Variants in CREB5 observed in about 807,000 individuals in gnomAD.
CREB5 encodes the protein cAMP responsive element binding protein 5, also known as cyclic AMP-responsive element-binding protein 5.
In CREB5, 19 loss-of-function variants were observed where a neutral mutation model predicts 57.1. That is an observed-to-expected ratio of 0.33 (90% CI 0.23 to 0.49). The LOEUF (loss-of-function observed/expected upper bound fraction) is 0.49, where lower values mean the gene tolerates loss of function less well. CREB5 is among the 20% of genes least tolerant of loss of function. CREB5 has a pLI of 0.99. For synonymous variants in CREB5, 238 were observed against 238.3 expected (o/e 1.00, Z 0.01); for missense variants, 579 against 671.6 (o/e 0.86, Z 1.52).
intron 2 of CREB5, among the ~76,000 whole-genome samples, chr7:28,492,343 T>C (rs1791842469): frequency 6.6e-6 from 1 of 152,230 alleles, no homozygotes; most frequent in South Asian, 2.1e-4. Flanking sequence ...TATCTTTGTC[T>C]CAGAAGGAAG....
At position 28,820,049 on chromosome 7, in the gene CREB5, T is replaced by C. The variant is rs1328158620; in HGVS notation, c.*770T>C. 1.3e-5 allele frequency: 2 copies of C among 151,922 alleles called. No individual in the cohort carries two copies. Among genetic ancestry groups the C allele is most frequent in the Admixed American group, 6.6e-5 (1 of 15,256 alleles). 9.4% of individuals were successfully genotyped at this position (151,922 alleles called of 1,614,324 possible). A position where few individuals can be genotyped will look rare whatever the true frequency, so the allele number is the denominator to read the frequency against. On this transcript the variant is annotated 3_prime_UTR_variant, in exon 11 of 11. Transcript: ENST00000357727. ...AACGTGGACCTAACCATTGCTTCAC[T>C]TACACTTCACCCACAGCTGGAGTTC...
chr7:28,436,901 A>G (rs1788986663), intron 1 of CREB5, among the ~76,000 whole-genome samples: 1 of 152,128 alleles, frequency 6.6e-6, no homozygotes, highest in Non-Finnish European at 1.5e-5. Context: ...CTACAGATGG[A>G]ATTGTGTACT....
chr7:28,671,627 G>A (rs1471496406), intron 5 of CREB5, among the ~76,000 whole-genome samples: 1 of 152,192 alleles, frequency 6.6e-6, no homozygotes, highest in Non-Finnish European at 1.5e-5. Context: ...CAAGAAAGAC[G>A]AATTGAGCCT....
intron 6 of CREB5, among the ~76,000 whole-genome samples, chr7:28,719,930 T>C (rs936985130): frequency 4.6e-5 from 7 of 152,058 alleles, no homozygotes; most frequent in Non-Finnish European, 2.9e-5. Context: ...CGTGGTGGCA[T>C]GAACCTGTAG....
intron 1 of CREB5, among the ~76,000 whole-genome samples, chr7:28,446,655 G>T (rs1436277983): frequency 1.3e-5 from 2 of 152,170 alleles, no homozygotes; most frequent in African/African-American, 4.8e-5. Context: ...AGCTGGGCGT[G>T]GTGGTGGGTG....
intron 2 of CREB5, among the ~76,000 whole-genome samples, chr7:28,492,880 A>G (rs1467893690): frequency 6.6e-6 from 1 of 152,056 alleles, no homozygotes; most frequent in East Asian, 1.9e-4. Flanking sequence ...TGGTAGTGCT[A>G]TGTATTTGGT....
chr7:28,814,115 T>C (rs962110374), intron 9 of CREB5, among the ~76,000 whole-genome samples: 1 of 152,254 alleles, frequency 6.6e-6, no homozygotes, highest in Non-Finnish European at 1.5e-5. Flanking sequence ...ATTTGATTTC[T>C]TGTATGCATT....
intron 4 of CREB5, among the ~76,000 whole-genome samples, chr7:28,549,397 A>G (rs530993586): frequency 4.6e-5 from 7 of 152,344 alleles, no homozygotes; most frequent in African/African-American, 1.7e-4. Context: ...CACATTAAAC[A>G]TGAATGATTA....
At chr7:28,733,443 G>A (rs771414220) in intron 7 of CREB5, among the ~76,000 whole-genome samples, 13 of 152,096 alleles carry the variant, frequency 8.5e-5, no homozygotes, top group South Asian at 2.1e-4. Flanking sequence ...TCAGGAGCCC[G>A]GCATTTTCCT....
Position 28,811,615 on chromosome 7 carries a change from CCCACCTCGGCCTACAAAA to C in CREB5, c.1254+2202_1254+2219del, listed in dbSNP as rs571169605. Among the ~76,000 whole-genome samples, 9 of 152,222 alleles carry C rather than the reference CCCACCTCGGCCTACAAAA, an allele frequency of 5.9e-5. No individual in the cohort carries two copies. The East Asian group carries it at 1.4e-3, about 23-fold the overall frequency. On this transcript the variant is annotated intron_variant, in intron 9 of 10. Transcript: ENST00000357727. ...CAAACTCCCAGGCTCAAGCAACCCT[CCCACCTCGGCCTACAAAA>C]GTGTTGGGATTATAGGTGTGAGCCA...
At chr7:28,418,031 A>G (rs932442572) in intron 1 of CREB5, among the ~76,000 whole-genome samples, 4 of 152,192 alleles carry the variant, frequency 2.6e-5, no homozygotes, top group Non-Finnish European at 5.9e-5. Context: ...TTTCAGTTAC[A>G]GTATTTTGCC....
At chr7:28,385,666 G>T (rs772257441) in intron 1 of CREB5, among the ~76,000 whole-genome samples, 56 of 144,700 alleles carry the variant, frequency 3.9e-4, no homozygotes, top group Non-Finnish European at 8.2e-4. Flanking sequence ...GACAGAAAGA[G>T]ACCCTGTCTC....
chr7:28,373,170 A>T (rs1236813995), intron 1 of CREB5, among the ~76,000 whole-genome samples: 1 of 152,220 alleles, frequency 6.6e-6, no homozygotes, highest in Non-Finnish European at 1.5e-5. Context: ...GAGTAAATTC[A>T]GACTTGTGAT....
chr7:28,531,858 GTC>G (rs1163681426), intron 4 of CREB5, among the ~76,000 whole-genome samples: 1 of 151,982 alleles, frequency 6.6e-6, no homozygotes, highest in Non-Finnish European at 1.5e-5. Context: ...GTGAAACCCT[GTC>G]TCTATTAAAA....
At chr7:28,376,664 G>A (rs1786835878) in intron 1 of CREB5, among the ~76,000 whole-genome samples, 1 of 152,160 alleles carries the variant, frequency 6.6e-6, no homozygotes, top group Non-Finnish European at 1.5e-5. Flanking sequence ...AGTTAAGTGC[G>A]TATGTTAGAC....
intron 7 of CREB5, among the ~76,000 whole-genome samples, chr7:28,803,123 A>C (rs889593993): frequency 6.6e-6 from 1 of 152,222 alleles, no homozygotes; most frequent in Non-Finnish European, 1.5e-5. Context: ...ATGTCTGCTT[A>C]TGAATGGATA....
intron 1 of CREB5, among the ~76,000 whole-genome samples, chr7:28,397,311 A>G (rs1356414772): frequency 6.6e-6 from 1 of 152,234 alleles, no homozygotes; most frequent in East Asian, 1.9e-4. Context: ...CAATGAAATG[A>G]GTGATGGCAG....
intron 7 of CREB5, among the ~76,000 whole-genome samples, chr7:28,799,930 A>G (rs964884368): frequency 6.6e-6 from 1 of 152,198 alleles, no homozygotes; most frequent in Admixed American, 6.5e-5. Flanking sequence ...AAAATGCTGC[A>G]TTTATCATAA....
At chr7:28,778,102 C>T (rs909251989) in intron 7 of CREB5, among the ~76,000 whole-genome samples, 5 of 152,138 alleles carry the variant, frequency 3.3e-5, no homozygotes, top group Non-Finnish European at 7.4e-5. Context: ...GGAAAGATGA[C>T]ACAGGCATAC....
Sources: allele counts gnomAD v4.1 joint callset (sites outside exome capture counted in the v4.1 genomes callset), GRCh38; gene constraint gnomAD v4.1.1; transcripts MANE v1.5; gene names NCBI Gene and HGNC (gene_info 2026-07-23, HGNC 2026-07-21).